TMEM87A: variants seen among roughly 807,000 people sequenced by gnomAD.
The protein encoded by TMEM87A is transmembrane protein 87A, also known as Golgi-pH regulating cation channel.
In TMEM87A, 50 loss-of-function variants were observed where a neutral mutation model predicts 90.0. The observed-to-expected ratio is 0.56, with a 90% confidence interval of 0.44 to 0.70. The LOEUF (loss-of-function observed/expected upper bound fraction) is 0.70, where lower values mean the gene tolerates loss of function less well. TMEM87A is among the 30% of genes least tolerant of loss of function. The probability of loss-of-function intolerance (pLI) is 0.00; values close to 1 mark genes in which losing one functional copy is unlikely to be tolerated. For missense variants in TMEM87A, 577 were observed against 660.5 expected, an observed-to-expected ratio of 0.87 and a Z score of 1.39; for synonymous variants, 226 against 226.7, an observed-to-expected ratio of 1.00 and a Z score of 0.03.
intron 15 of TMEM87A, 95 bp downstream of exon 15, chr15:42,226,711 T>C: frequency 5.8e-6 from 6 of 1,038,730 alleles, no homozygotes; most frequent in Admixed American, 3.8e-5. Context: ...CCTTCCACTA[T>C]ATGACACAGC....
intron 6 of TMEM87A, chr15:42,259,078 A>T (rs1252325046): frequency 2.9e-6 from 2 of 687,484 alleles, no homozygotes; most frequent in Non-Finnish European, 5.3e-6. Flanking sequence ...AGTCCCTGAA[A>T]CTGTTAACAG....
chr15:42,252,187 G>A (rs376687263), intron 6 of TMEM87A, among the ~76,000 whole-genome samples: 11 of 152,188 alleles, frequency 7.2e-5, no homozygotes, highest in African/African-American at 2.7e-4. Context: ...GAAATCCCCC[G>A]ACCCCTTGCG....
At chr15:42,221,635 T>A (rs2140918885) in intron 15 of TMEM87A, among the ~76,000 whole-genome samples, 1 of 152,142 alleles carries the variant, frequency 6.6e-6, no homozygotes, top group South Asian at 2.1e-4. Context: ...CTGAGGAGGC[T>A]GAGGTAGGAG....
At chr15:42,255,293 G>A (rs966225256) in intron 6 of TMEM87A, among the ~76,000 whole-genome samples, 13 of 151,904 alleles carry the variant, frequency 8.6e-5, no homozygotes, top group African/African-American at 1.9e-4. Flanking sequence ...GCCACCATGC[G>A]CAGCTAATTT....
intron 3 of TMEM87A, among the ~76,000 whole-genome samples, chr15:42,267,639 T>C (rs2051431945): frequency 6.6e-6 from 1 of 152,248 alleles, no homozygotes; most frequent in African/African-American, 2.4e-5. Flanking sequence ...TATATTAACA[T>C]GCAATAAGTT....
chr15:42,232,712 G>C lies in TMEM87A; in HGVS notation c.1062+501C>G, dbSNP rs548054686. On this transcript the variant is annotated intron_variant, in intron 11 of 19. Coordinates refer to ENST00000389834, the MANE Select transcript of TMEM87A (RefSeq NM_015497.5). ...TTAGCCAGGATGGTCTTGATCTTCT[G>C]ACCTAGTGATCCGCCTGCCTCGGCC... Among the ~76,000 whole-genome samples the C allele has an allele frequency of 6.4e-4, 97 of 151,684 alleles. 1 individual carries two copies. Among genetic ancestry groups the C allele is most frequent in the Admixed American group, 1.3e-3 (20 of 15,236 alleles).
chr15:42,231,806 C>G (rs1159237869), intron 11 of TMEM87A: 3 of 1,083,390 alleles, frequency 2.8e-6, no homozygotes, highest in Admixed American at 2.9e-5. Flanking sequence ...TTTATATAAC[C>G]CTAATTACCC....
Position 42,217,931 on chromosome 15 carries a change from TATCTA to T in TMEM87A, c.1596-103_1596-99del, listed in dbSNP as rs60304539. The T allele has an allele frequency of 9.2e-4, 1,131 of 1,228,052 alleles. 11 individuals carry two copies. The African/African-American group carries it at 0.015, about 17-fold the overall frequency. 76.1% of individuals were successfully genotyped at this position (1,228,052 alleles called of 1,614,324 possible). A position where few individuals can be genotyped will look rare whatever the true frequency, so the allele number is the denominator to read the frequency against. ...ATAATGCAATTAAAAGCTTTATAAT[TATCTA>T]AGATTTGCATTTTATTAATGGCCCT... On this transcript the variant is annotated intron_variant, in intron 18 of 19. Coordinates refer to ENST00000389834, the MANE Select transcript of TMEM87A (RefSeq NM_015497.5).
Position 42,244,067 on chromosome 15 carries a change from A to T in TMEM87A, c.605T>A (p.Leu202Gln), listed in dbSNP as rs773240858. 2.6e-6 allele frequency: 4 copies of T among 1,568,266 alleles called. No homozygotes were observed. The Admixed American group carries it at 6.4e-5, about 25-fold the overall frequency. The change falls in exon 7 of 20, where the codon CTG (leucine) becomes CAG (glutamine). Residue 202 changes from leucine (L) to glutamine (Q), a missense_variant. Coordinates refer to ENST00000389834, the MANE Select transcript of TMEM87A (RefSeq NM_015497.5). ...GAACTTACTGGTAAAAAGATTACTC[A>T]GTGAATTTTCTTTTGATGATTCCTT... is the stretch of plus-strand genomic sequence containing the variant. The part of the protein sequence containing the change: ...SSKESSKENS[L>Q]SNLFTMTVEV...
chr15:42,258,155 T>C (rs12438509), intron 6 of TMEM87A: 63,263 of 974,658 alleles, frequency 0.065, 2,735 homozygotes, highest in Admixed American at 0.2. Flanking sequence ...TAAGACACTA[T>C]ACAAGCATTT....
chr15:42,227,050 G>A, intron 14 of TMEM87A, 141 bp from the exon 15 acceptor site: 1 of 718,254 alleles, frequency 1.4e-6, no homozygotes, highest in South Asian at 1.9e-5. Flanking sequence ...TCAGTACTGT[G>A]GTAAGTGTGG....
At chr15:42,272,673 TACC>T (rs2051564145) in intron 1 of TMEM87A, 1 of 319,408 alleles carries the variant, frequency 3.1e-6, no homozygotes, top group Admixed American at 4.7e-5. Flanking sequence ...AGACTAGCCT[TACC>T]ACATTAAATT....
At chr15:42,233,103 G>A in intron 11 of TMEM87A, 110 bp downstream of exon 11, 5 of 839,982 alleles carry the variant, frequency 6.0e-6, no homozygotes, top group African/African-American at 1.7e-5. Flanking sequence ...GAGCCCAAAA[G>A]TGACTTAAAG....
intron 6 of TMEM87A, among the ~76,000 whole-genome samples, chr15:42,248,991 C>A (rs750223175): frequency 3.4e-4 from 52 of 152,194 alleles, no homozygotes; most frequent in Non-Finnish European, 5.9e-4. Context: ...AGAGATTCAA[C>A]TTCTTCCTAG....
At chr15:42,223,290 G>C (rs954993339) in intron 15 of TMEM87A, among the ~76,000 whole-genome samples, 1 of 152,078 alleles carries the variant, frequency 6.6e-6, no homozygotes, top group Non-Finnish European at 1.5e-5. Flanking sequence ...CTACTCAGGA[G>C]GCTGAGGTGG....
intron 8 of TMEM87A, among the ~76,000 whole-genome samples, chr15:42,238,367 A>T (rs2050813006): frequency 6.6e-6 from 1 of 152,166 alleles, no homozygotes; most frequent in African/African-American, 2.4e-5. Context: ...CAGGAGTTCA[A>T]GACCAGCCTG....
intron 6 of TMEM87A, among the ~76,000 whole-genome samples, chr15:42,247,383 T>C (rs762380375): frequency 2.0e-5 from 3 of 152,220 alleles, no homozygotes; most frequent in Non-Finnish European, 4.4e-5. Flanking sequence ...CTGAATGGTA[T>C]TGCCTAGGTT....
At chr15:42,261,332 A>C (rs2051286969) in intron 4 of TMEM87A, 83 bp from the exon 5 acceptor site, 1 of 1,131,348 alleles carries the variant, frequency 8.8e-7, no homozygotes, top group Non-Finnish European at 1.3e-6. Flanking sequence ...AGAAATGGTT[A>C]GAACAAAACA....
At chr15:42,239,226 A>C (rs1480780281) in intron 8 of TMEM87A, among the ~76,000 whole-genome samples, 2 of 152,094 alleles carry the variant, frequency 1.3e-5, no homozygotes, top group Non-Finnish European at 2.9e-5. Flanking sequence ...TTTTTAGTAG[A>C]GATGGGGTTT....
Sources: gnomAD v4.1 joint callset for allele counts (sites outside exome capture counted in the v4.1 genomes callset) on GRCh38, gnomAD v4.1.1 for gene constraint, MANE v1.5 for transcripts, NCBI Gene and HGNC (gene_info 2026-07-23, HGNC 2026-07-21) for gene names.